Variants in DMD observed in about 807,000 individuals in gnomAD.
DMD encodes dystrophin, also known as mutant dystrophin.
DMD carries 63 observed loss-of-function variants against 330.1 expected under a neutral mutation model. The observed-to-expected ratio is 0.19, with a 90% CI of 0.16 to 0.24. DMD has a LOEUF of 0.24. Ranked by LOEUF, DMD falls within the 10% of genes least tolerant of loss-of-function variation. DMD has a pLI of 1.00. For missense variants in DMD, 3,344 were observed against 2,684.1 expected (o/e 1.25, Z -5.43); for synonymous variants, 1,223 against 959.8 (o/e 1.27, Z -5.07).
chrX:31,471,668 A>C (rs2067313105), intron 59 of DMD, among the ~76,000 whole-genome samples: 1 of 112,623 alleles, frequency 8.9e-6, no homozygotes, highest in Admixed American at 9.4e-5. Context: ...AAGCTGTATT[A>C]AACCCTAGAT....
intron 52 of DMD, among the ~76,000 whole-genome samples, chrX:31,682,751 C>T (rs1160284708): frequency 8.9e-6 from 1 of 112,109 alleles, no homozygotes; most frequent in Non-Finnish European, 1.9e-5. Flanking sequence ...TTTTACTATG[C>T]TAGCAATATT....
chrX:31,506,946 A>T (rs2071010509), intron 56 of DMD, among the ~76,000 whole-genome samples: 1 of 111,895 alleles, frequency 8.9e-6, no homozygotes, highest in African/African-American at 3.2e-5. Context: ...ATATCCGTTA[A>T]TTTTTTATCA....
At chrX:32,668,968 T>C (rs915142827) in intron 9 of DMD, among the ~76,000 whole-genome samples, 15 of 111,537 alleles carry the variant, frequency 1.3e-4, no homozygotes, top group African/African-American at 4.9e-4. Context: ...ATTTATAGGT[T>C]GATACCACAT....
At chrX:31,190,798 T>A (rs769052143) in intron 67 of DMD, among the ~76,000 whole-genome samples, 1 of 110,658 alleles carries the variant, frequency 9.0e-6, no homozygotes, top group African/African-American at 3.3e-5. Flanking sequence ...ACCATATGGT[T>A]CACTTGTCAA....
chrX:32,324,043 T>C (rs1002341799), intron 41 of DMD, among the ~76,000 whole-genome samples: 1 of 110,806 alleles, frequency 9.0e-6, no homozygotes, highest in Non-Finnish European at 1.9e-5. Flanking sequence ...GGTACGGACA[T>C]ACAGTTGCAT....
chrX:33,207,952 A>G (rs2148852494), intron 1 of DMD, among the ~76,000 whole-genome samples: 1 of 111,629 alleles, frequency 9.0e-6, no homozygotes, highest in South Asian at 3.7e-4. Context: ...AACTGCCTTG[A>G]TAACAGAACA....
chrX:31,409,859 C>T (rs1194202060), intron 60 of DMD, among the ~76,000 whole-genome samples: 1 of 111,765 alleles, frequency 8.9e-6, no homozygotes, highest in Admixed American at 9.5e-5. Flanking sequence ...TGCTCTATCG[C>T]CCAGGCTGGA....
chrX:31,528,287 A>G (rs2073404437), intron 55 of DMD, among the ~76,000 whole-genome samples: 1 of 112,318 alleles, frequency 8.9e-6, no homozygotes, highest in Non-Finnish European at 1.9e-5. Flanking sequence ...TGTCCCTCAT[A>G]TCTAGATGTC....
At chrX:33,148,178 T>C (rs1387298802) in intron 1 of DMD, among the ~76,000 whole-genome samples, 1 of 112,382 alleles carries the variant, frequency 8.9e-6, no homozygotes, top group Non-Finnish European at 1.9e-5. Context: ...GGGTGTGGAA[T>C]AACCAGTACT....
intron 74 of DMD, among the ~76,000 whole-genome samples, chrX:31,156,656 C>G (rs1422914964): frequency 1.8e-5 from 2 of 111,859 alleles, no homozygotes; most frequent in African/African-American, 3.3e-5. Flanking sequence ...TGAACCATGC[C>G]CAGCCCATAC....
intron 3 of DMD, among the ~76,000 whole-genome samples, chrX:32,848,780 G>T (rs780530204): frequency 9.0e-6 from 1 of 111,352 alleles, no homozygotes; most frequent in East Asian, 2.8e-4. Context: ...AAGGTTTCTG[G>T]CAGACAGTTG....
intron 16 of DMD, among the ~76,000 whole-genome samples, chrX:32,562,884 C>A (rs904951142): frequency 1.8e-5 from 2 of 111,506 alleles, no homozygotes; most frequent in African/African-American, 3.3e-5. Flanking sequence ...TGGATCAATC[C>A]CATGACAGCA....
chrX:32,467,857 T>C (rs1007942920), intron 23 of DMD, among the ~76,000 whole-genome samples: 12 of 110,085 alleles, frequency 1.1e-4, no homozygotes, highest in African/African-American at 4.0e-4. Flanking sequence ...TTTGAAGCCA[T>C]TAAATTTCTG....
intron 54 of DMD, among the ~76,000 whole-genome samples, chrX:31,642,103 T>A (rs940513032): frequency 9.0e-6 from 1 of 111,546 alleles, no homozygotes; most frequent in Admixed American, 9.5e-5. Context: ...AATAAAAATA[T>A]CCTCACGAAA....
chrX:32,628,938 G>T (rs1023320861), intron 11 of DMD, among the ~76,000 whole-genome samples: 23 of 111,979 alleles, frequency 2.1e-4, no homozygotes, highest in African/African-American at 6.5e-4. Context: ...AGAACATATG[G>T]CTTGTCCTTG....
intron 1 of DMD, among the ~76,000 whole-genome samples, chrX:33,280,413 C>G (rs968084981): frequency 6.2e-5 from 7 of 112,067 alleles, no homozygotes; most frequent in Admixed American, 9.5e-5. Context: ...CGTTAGATCC[C>G]AAATATGTTC....
chrX:32,671,763 G>A (rs1364325475), intron 9 of DMD, among the ~76,000 whole-genome samples: 1 of 111,507 alleles, frequency 9.0e-6, no homozygotes, highest in Admixed American at 9.6e-5. Context: ...AAATTCTATA[G>A]TACACATTTA....
chrX:32,125,485 G>T (rs1021945885), intron 44 of DMD, among the ~76,000 whole-genome samples: 2 of 111,636 alleles, frequency 1.8e-5, no homozygotes, highest in Non-Finnish European at 3.8e-5. Context: ...AGTTGCCTCT[G>T]ATACATTTAA....
chrX:33,071,728 C>T (rs911694451), intron 1 of DMD, among the ~76,000 whole-genome samples: 8 of 111,294 alleles, frequency 7.2e-5, no homozygotes, highest in East Asian at 2.8e-4. Flanking sequence ...GTTTTACTTA[C>T]GCCATTAAAT....
Sources: allele counts gnomAD v4.1 joint callset (sites outside exome capture counted in the v4.1 genomes callset), GRCh38; gene constraint gnomAD v4.1.1; transcripts MANE v1.5; gene names NCBI Gene and HGNC (gene_info 2026-07-23, HGNC 2026-07-21).